RBFOX1: variants seen among roughly 807,000 people sequenced by gnomAD.
The protein encoded by RBFOX1 is RNA binding fox-1 homolog 1, also known as RNA binding protein fox-1 homolog 1.
In RBFOX1, 8 loss-of-function variants were observed where a neutral mutation model predicts 57.7. The ratio of observed to expected loss-of-function variants is 0.14; its 90% CI spans 0.08 to 0.25. The LOEUF (loss-of-function observed/expected upper bound fraction) is 0.25, where lower values mean the gene tolerates loss of function less well. RBFOX1 is among the 10% of genes least tolerant of loss of function. The pLI, the probability that RBFOX1 is intolerant of heterozygous loss-of-function variation, is 1.00. For synonymous variants in RBFOX1, 326 were observed against 222.4 expected, an observed-to-expected ratio of 1.47 and a Z score of -4.15; for missense variants, 611 against 548.5, an observed-to-expected ratio of 1.11 and a Z score of -1.14.
chr16:7,156,964 T>C (rs1262005252), intron 4 of RBFOX1, among the ~76,000 whole-genome samples: 2 of 152,162 alleles, frequency 1.3e-5, no homozygotes, highest in African/African-American at 4.8e-5. Context: ...AAAGTGCCTT[T>C]AAAAAAACAC....
intron 4 of RBFOX1, among the ~76,000 whole-genome samples, chr16:7,146,233 T>A (rs1350057393): frequency 1.3e-5 from 2 of 149,026 alleles, no homozygotes; most frequent in Admixed American, 1.3e-4. Flanking sequence ...TCACAATCCA[T>A]ATGCAGGAAC....
At chr16:6,835,520 G>C (rs1041985663) in intron 3 of RBFOX1, among the ~76,000 whole-genome samples, 1 of 151,972 alleles carries the variant, frequency 6.6e-6, no homozygotes, top group Non-Finnish European at 1.5e-5. Flanking sequence ...GGGAGTCCAA[G>C]GTGGGAAGAT....
chr16:5,643,302 G>T (rs150618496), intron 3 of RBFOX1, among the ~76,000 whole-genome samples: 2 of 152,216 alleles, frequency 1.3e-5, no homozygotes, highest in Non-Finnish European at 1.5e-5. Flanking sequence ...CTTGATTATC[G>T]TTTTTTTAGG....
At chr16:7,619,417 C>T (rs548332951) in intron 10 of RBFOX1, among the ~76,000 whole-genome samples, 1 of 152,224 alleles carries the variant, frequency 6.6e-6, no homozygotes, top group African/African-American at 2.4e-5. Context: ...GCATAGACAA[C>T]TTCATCCAAT....
At chr16:5,543,715 A>G (rs908412488) in intron 2 of RBFOX1, among the ~76,000 whole-genome samples, 6 of 152,186 alleles carry the variant, frequency 3.9e-5, no homozygotes, top group Non-Finnish European at 7.4e-5. Context: ...AGACACGAAG[A>G]AAACTACTCT....
chr16:6,461,969 A>C (rs1025364981), intron 2 of RBFOX1, among the ~76,000 whole-genome samples: 2 of 152,188 alleles, frequency 1.3e-5, no homozygotes, highest in African/African-American at 4.8e-5. Flanking sequence ...TTGTATGTTG[A>C]ATGTTTCACA....
At chr16:7,483,660 G>T (rs771530978) in intron 4 of RBFOX1, among the ~76,000 whole-genome samples, 4 of 152,148 alleles carry the variant, frequency 2.6e-5, no homozygotes, top group Non-Finnish European at 4.4e-5. Flanking sequence ...TATCTTATAG[G>T]TTGGGAAATA....
At chr16:5,262,084 C>T (rs774504997) in intron 1 of RBFOX1, among the ~76,000 whole-genome samples, 20 of 152,122 alleles carry the variant, frequency 1.3e-4, no homozygotes, top group Non-Finnish European at 2.4e-4. Flanking sequence ...TTTGAGATAT[C>T]AGAGAAGGGA....
chr16:7,161,506 C>G (rs941457625), intron 4 of RBFOX1, among the ~76,000 whole-genome samples: 1 of 152,160 alleles, frequency 6.6e-6, no homozygotes, highest in African/African-American at 2.4e-5. Context: ...GGTTAGGAAT[C>G]ATTTTTAATT....
At chr16:6,804,495 C>T (rs990334989) in intron 3 of RBFOX1, among the ~76,000 whole-genome samples, 3 of 152,070 alleles carry the variant, frequency 2.0e-5, no homozygotes, top group Non-Finnish European at 4.4e-5. Flanking sequence ...CTCAACAGCT[C>T]TAGGTGCATA....
chr16:6,822,757 C>G (rs545401275), intron 3 of RBFOX1, among the ~76,000 whole-genome samples: 1 of 152,100 alleles, frequency 6.6e-6, no homozygotes, highest in Non-Finnish European at 1.5e-5. Context: ...GGAAAAGAAC[C>G]CAGAAGAACC....
intron 2 of RBFOX1, among the ~76,000 whole-genome samples, chr16:6,519,703 A>G (rs1379119419): frequency 6.6e-6 from 1 of 152,178 alleles, no homozygotes; most frequent in Non-Finnish European, 1.5e-5. Flanking sequence ...CTCTGTCTCA[A>G]AAAGATAATA....
chr16:5,279,088 T>A (rs2063209663), intron 1 of RBFOX1, among the ~76,000 whole-genome samples: 1 of 152,162 alleles, frequency 6.6e-6, no homozygotes, highest in African/African-American at 2.4e-5. Context: ...TGTGGTTCCA[T>A]GTGAATTTCA....
At chr16:5,449,136 C>A (rs1213572009) in intron 1 of RBFOX1, among the ~76,000 whole-genome samples, 2 of 152,110 alleles carry the variant, frequency 1.3e-5, no homozygotes, top group Non-Finnish European at 2.9e-5. Context: ...CGAGGCTACC[C>A]AAAAGTCACA....
At chr16:6,141,313 G>T (rs1316041069) in intron 1 of RBFOX1, among the ~76,000 whole-genome samples, 1 of 152,122 alleles carries the variant, frequency 6.6e-6, no homozygotes, top group Non-Finnish European at 1.5e-5. Flanking sequence ...TTTTACAAGG[G>T]CGATACGGAA....
At chr16:7,173,448 C>T (rs1481201170) in intron 4 of RBFOX1, among the ~76,000 whole-genome samples, 2 of 152,182 alleles carry the variant, frequency 1.3e-5, no homozygotes, top group African/African-American at 4.8e-5. Context: ...GAAAGGGAGG[C>T]ACTGGTTTCG....
intron 3 of RBFOX1, among the ~76,000 whole-genome samples, chr16:6,736,290 T>A (rs1177623996): frequency 6.6e-6 from 1 of 152,154 alleles, no homozygotes; most frequent in Non-Finnish European, 1.5e-5. Context: ...TGCATCATAT[T>A]GTCTTTTATC....
intron 3 of RBFOX1, among the ~76,000 whole-genome samples, chr16:6,673,386 G>C (rs936774741): frequency 6.6e-6 from 1 of 152,168 alleles, no homozygotes; most frequent in African/African-American, 2.4e-5. Context: ...TCAGGAGTTT[G>C]AGACCAGCCT....
At chr16:6,682,136 C>A (rs549584486) in intron 3 of RBFOX1, among the ~76,000 whole-genome samples, 2 of 152,266 alleles carry the variant, frequency 1.3e-5, no homozygotes, top group Non-Finnish European at 2.9e-5. Context: ...AGTGCCTGTG[C>A]CTTGAATGTG....
Sources: allele counts gnomAD v4.1 joint callset (sites outside exome capture counted in the v4.1 genomes callset), GRCh38; gene constraint gnomAD v4.1.1; transcripts MANE v1.5; gene names NCBI Gene and HGNC (gene_info 2026-07-23, HGNC 2026-07-21).